Variants in INPP5D observed in about 807,000 individuals in gnomAD.
INPP5D encodes phosphatidylinositol 3,4,5-trisphosphate 5-phosphatase 1.
In INPP5D, 33 loss-of-function variants were observed where a neutral mutation model predicts 122.9. That is an observed-to-expected ratio of 0.27 (90% CI 0.20 to 0.36). The LOEUF is 0.36. Among genes scored for constraint, INPP5D ranks in the 10% least tolerant of loss-of-function variants. INPP5D has a pLI of 1.00. For synonymous variants in INPP5D, 584 were observed against 576.2 expected (o/e 1.01, Z -0.19); for missense variants, 1,053 against 1,412.7 (o/e 0.75, Z 4.08).
chr2:233,087,021 T>A (rs748765100), intron 2 of INPP5D, among the ~76,000 whole-genome samples: 8 of 152,130 alleles, frequency 5.3e-5, no homozygotes, highest in Non-Finnish European at 1.2e-4. Context: ...AGCACAAAAA[T>A]CAATCAGTAT....
At chr2:233,193,450 T>A (rs79691582) in intron 22 of INPP5D, among the ~76,000 whole-genome samples, 1,843 of 152,196 alleles carry the variant, frequency 0.012, 32 homozygotes, top group African/African-American at 0.042. Context: ...TTATTTTAGG[T>A]TTTTTCTCTG....
chr2:233,097,899 T>TG (rs1692191268), intron 2 of INPP5D, among the ~76,000 whole-genome samples: 1 of 151,794 alleles, frequency 6.6e-6, no homozygotes, highest in Non-Finnish European at 1.5e-5. Flanking sequence ...TTCTTTTTTT[T>TG]TTTTTGAGAC....
intron 9 of INPP5D, among the ~76,000 whole-genome samples, chr2:233,148,622 C>T (rs941443163): frequency 6.6e-6 from 1 of 152,168 alleles, no homozygotes; most frequent in African/African-American, 2.4e-5. Context: ...CAGCAGCAGA[C>T]AGGACCAGAG....
At position 233,094,512 on chromosome 2, in the gene INPP5D, C is replaced by CAAAAAAAAAAAAAAAAAAAAAA. The variant is rs58284775; in HGVS notation, c.198+15123_198+15144dup. ...TGGGCAATAGAGCAAGACTCCATCC[C>CAAAAAAAAAAAAAAAAAAAAAA]AAAAAAAAAAAAAAAAAAAAAAAAA... is the stretch of plus-strand genomic sequence containing the variant. On this transcript the variant is annotated intron_variant, in intron 2 of 26. Coordinates refer to ENST00000445964, the MANE Select transcript of INPP5D (RefSeq NM_001017915.3). Among the ~76,000 whole-genome samples the CAAAAAAAAAAAAAAAAAAAAAA allele has an allele frequency of 2.3e-4, 8 of 34,970 alleles. 3 individuals are homozygous for CAAAAAAAAAAAAAAAAAAAAAA. Among genetic ancestry groups the CAAAAAAAAAAAAAAAAAAAAAA allele is most frequent in the Admixed American group, 1.5e-3 (3 of 1,956 alleles). 22.9% of individuals were successfully genotyped at this position (34,970 alleles called of 152,430 possible).
intron 2 of INPP5D, among the ~76,000 whole-genome samples, chr2:233,120,031 G>A (rs1212272763): frequency 1.3e-5 from 2 of 152,210 alleles, no homozygotes; most frequent in Non-Finnish European, 2.9e-5. Context: ...CAACCAGGGT[G>A]GGCTTTTCAA....
chr2:233,186,543 A>G (rs1033741629), intron 21 of INPP5D, among the ~76,000 whole-genome samples: 1 of 151,896 alleles, frequency 6.6e-6, no homozygotes, highest in Admixed American at 6.6e-5. Context: ...TGGCTCACAC[A>G]TATAATCCCA....
At chr2:233,146,766 G>T (rs558983490) in intron 8 of INPP5D, among the ~76,000 whole-genome samples, 3 of 150,232 alleles carry the variant, frequency 2.0e-5, no homozygotes, top group Admixed American at 6.6e-5. Flanking sequence ...CTGCCTCAAG[G>T]GGGTGGGGAA....
At chr2:233,168,962 G>C in intron 13 of INPP5D, 2 of 269,380 alleles carry the variant, frequency 7.4e-6, no homozygotes, top group South Asian at 9.4e-5. Flanking sequence ...CACTGGGAGG[G>C]AGATCAGCCC....
chr2:233,075,111 AG>A (rs2106205347), intron 1 of INPP5D, among the ~76,000 whole-genome samples: 1 of 152,284 alleles, frequency 6.6e-6, no homozygotes, highest in Admixed American at 6.5e-5. Flanking sequence ...CACTCAGCAC[AG>A]GGTGGGCACC....
At chr2:233,121,878 C>G (rs1458471117) in intron 2 of INPP5D, among the ~76,000 whole-genome samples, 1 of 152,102 alleles carries the variant, frequency 6.6e-6, no homozygotes, top group Non-Finnish European at 1.5e-5. Context: ...AAAAACAGAT[C>G]TTAGGAACGA....
intron 1 of INPP5D, among the ~76,000 whole-genome samples, chr2:233,068,134 A>C (rs941631828): frequency 2.0e-5 from 3 of 152,182 alleles, no homozygotes; most frequent in African/African-American, 7.2e-5. Context: ...AAAAATACAA[A>C]ATTAGCCTGC....
In INPP5D at chr2:233,161,871, G is replaced by T. The variant is rs1694208017; in HGVS notation, c.1240+45G>T. 4 of 1,578,494 alleles carry T rather than the reference G, an allele frequency of 2.5e-6. No individual in the cohort carries two copies. The Admixed American group carries it at 5.5e-5, about 22-fold the overall frequency. On this transcript the variant is annotated intron_variant, in intron 11 of 26. Coordinates refer to ENST00000445964, the MANE Select transcript of INPP5D (RefSeq NM_001017915.3). ...CCCTGCAGTCACCCCCTCTGCTTCTGCTTTCCTGACTCAGGCATCCTCAAG... is the reference window on the plus strand; with the variant it reads ...CCCTGCAGTCACCCCCTCTGCTTCTTCTTTCCTGACTCAGGCATCCTCAAG...
intron 13 of INPP5D, among the ~76,000 whole-genome samples, chr2:233,166,625 C>G (rs1398613801): frequency 1.3e-5 from 2 of 152,154 alleles, no homozygotes; most frequent in Non-Finnish European, 2.9e-5. Context: ...CCTCTCTGCC[C>G]TGGGGCCAGC....
chr2:233,191,791 G>A (rs563274500), intron 22 of INPP5D, among the ~76,000 whole-genome samples: 22 of 152,300 alleles, frequency 1.4e-4, no homozygotes, highest in Admixed American at 2.6e-4. Flanking sequence ...GGTCAAGGGA[G>A]CACATTTATC....
intron 22 of INPP5D, 128 bp from the exon 23 acceptor site, chr2:233,193,684 T>C: frequency 2.7e-6 from 4 of 1,506,586 alleles, no homozygotes; most frequent in Non-Finnish European, 2.7e-6. Context: ...GGTGTTGTTC[T>C]GACGGATTTA....
intron 2 of INPP5D, among the ~76,000 whole-genome samples, chr2:233,085,621 G>A (rs1200980263): frequency 6.6e-6 from 1 of 152,028 alleles, no homozygotes; most frequent in African/African-American, 2.4e-5. Context: ...CTTCTGTTAG[G>A]TCTTTGAGTA....
chr2:233,158,478 T>G (rs1694113707), intron 10 of INPP5D, 59 bp downstream of exon 10: 1 of 661,870 alleles, frequency 1.5e-6, no homozygotes, highest in Non-Finnish European at 2.7e-6. Context: ...ACAAGCGTTT[T>G]GAGGCTCGCT....
chr2:233,163,614 C>T, intron 11 of INPP5D, 93 bp from the exon 12 acceptor site: 2 of 1,587,128 alleles, frequency 1.3e-6, no homozygotes, highest in Non-Finnish European at 1.7e-6. Flanking sequence ...ATGACGTGAC[C>T]TCCCTCACAC....
intron 5 of INPP5D, among the ~76,000 whole-genome samples, chr2:233,138,071 G>T (rs988372013): frequency 3.5e-5 from 4 of 114,902 alleles, no homozygotes; most frequent in Middle Eastern, 5.2e-3. Context: ...AGCAAAGTAG[G>T]CCGGGCCTGG....
Sources: gnomAD v4.1 joint callset for allele counts (sites outside exome capture counted in the v4.1 genomes callset) on GRCh38, gnomAD v4.1.1 for gene constraint, MANE v1.5 for transcripts, NCBI Gene and HGNC (gene_info 2026-07-23, HGNC 2026-07-21) for gene names.